Variants in TAF1A observed in about 807,000 individuals in gnomAD.
TAF1A encodes the protein TATA-box binding protein associated factor, RNA polymerase I subunit A.
Under a neutral mutation model 61.6 loss-of-function variants are expected in TAF1A, and 42 were observed. The ratio of observed to expected loss-of-function variants is 0.68; its 90% CI spans 0.53 to 0.88. The LOEUF is 0.88. Ranked by LOEUF, TAF1A falls within the 40% of genes least tolerant of loss-of-function variation. The probability of loss-of-function intolerance (pLI) is 0.00; values close to 1 mark genes in which losing one functional copy is unlikely to be tolerated. For synonymous variants in TAF1A, 179 were observed against 177.7 expected, an observed-to-expected ratio of 1.01 and a Z score of -0.06; for missense variants, 424 against 518.7, an observed-to-expected ratio of 0.82 and a Z score of 1.77.
chr1:222,574,897 G>GGA (rs1660504042), intron 5 of TAF1A, among the ~76,000 whole-genome samples: 4 of 152,120 alleles, frequency 2.6e-5, no homozygotes, highest in Admixed American at 2.6e-4. Flanking sequence ...AATGCAGTCA[G>GGA]GAAGGCACAC....
chr1:222,586,553 CA>C (rs938391575), intron 2 of TAF1A, among the ~76,000 whole-genome samples: 2 of 152,068 alleles, frequency 1.3e-5, no homozygotes, highest in African/African-American at 4.8e-5. Context: ...TCAAGGAAAA[CA>C]CATTTTTACA....
intron 6 of TAF1A, 111 bp from the exon 7 acceptor site, chr1:222,569,779 A>C (rs1660274591): frequency 2.0e-6 from 2 of 989,738 alleles, no homozygotes; most frequent in Non-Finnish European, 2.9e-6. Flanking sequence ...CACAAAACTG[A>C]CAGGGTTCCC....
chr1:222,580,982 C>T (rs903291777), intron 3 of TAF1A, among the ~76,000 whole-genome samples: 1 of 152,072 alleles, frequency 6.6e-6, no homozygotes, highest in African/African-American at 2.4e-5. Context: ...GAAACCCCGT[C>T]TCTACTAAAA....
intron 5 of TAF1A, among the ~76,000 whole-genome samples, chr1:222,576,198 G>A (rs529494984): frequency 6.6e-5 from 10 of 152,238 alleles, no homozygotes; most frequent in East Asian, 1.9e-4. Context: ...TTGGGACAGC[G>A]ATCCAATGAG....
chr1:222,561,116 GTATCTTAATGGCCCCC>G (rs1280312576), intron 10 of TAF1A, among the ~76,000 whole-genome samples: 2 of 152,130 alleles, frequency 1.3e-5, no homozygotes, highest in African/African-American at 2.4e-5. Flanking sequence ...TCTGTATCAT[GTATCTTAATGGCCCCC>G]TAACAACACT....
intron 6 of TAF1A, among the ~76,000 whole-genome samples, chr1:222,570,068 T>C (rs1436339241): frequency 6.6e-6 from 1 of 152,194 alleles, no homozygotes; most frequent in Non-Finnish European, 1.5e-5. Context: ...CTCATTAACT[T>C]TCACAAAGCA....
At chr1:222,586,592 A>G (rs949827659) in intron 2 of TAF1A, among the ~76,000 whole-genome samples, 7 of 152,330 alleles carry the variant, frequency 4.6e-5, no homozygotes, top group South Asian at 2.1e-4. Flanking sequence ...ATAAAGAACT[A>G]GTGTCATCAA....
At chr1:222,557,579 T>C (rs1036095882), downstream of TAF1A, among the ~76,000 whole-genome samples, 19 of 151,958 alleles carry the variant, frequency 1.3e-4, 1 homozygote, top group East Asian at 3.9e-4. Context: ...GCCTCCCAAA[T>C]AGCTAGGACT....
intron 7 of TAF1A, among the ~76,000 whole-genome samples, chr1:222,568,588 A>C (rs959043356): frequency 1.3e-5 from 2 of 152,220 alleles, no homozygotes; most frequent in Non-Finnish European, 2.9e-5. Flanking sequence ...TATTATTCAA[A>C]AGACCTCCAA....
At chr1:222,575,574 TAGA>T (rs1176284593) in intron 5 of TAF1A, among the ~76,000 whole-genome samples, 2 of 152,148 alleles carry the variant, frequency 1.3e-5, no homozygotes, top group Non-Finnish European at 2.9e-5. Flanking sequence ...GAATTTATTA[TAGA>T]AGGAGGTTCC....
chr1:222,576,435 G>A (rs886448364), intron 5 of TAF1A, among the ~76,000 whole-genome samples: 1 of 152,226 alleles, frequency 6.6e-6, no homozygotes, highest in East Asian at 1.9e-4. Flanking sequence ...AAGATATGGA[G>A]GAGGATGAAA....
intron 2 of TAF1A, among the ~76,000 whole-genome samples, chr1:222,586,574 G>T (rs1661025013): frequency 6.6e-6 from 1 of 152,124 alleles, no homozygotes; most frequent in Non-Finnish European, 1.5e-5. Context: ...ATGGAATAGA[G>T]ATGTACAATA....
chr1:222,561,281 G>T, intron 10 of TAF1A, 83 bp downstream of exon 10: 2 of 1,407,216 alleles, frequency 1.4e-6, no homozygotes, highest in Non-Finnish European at 1.9e-6. Context: ...ACCATGTTAG[G>T]TAAGCTCTAA....
intron 5 of TAF1A, 103 bp from the exon 6 acceptor site, chr1:222,570,768 A>G: frequency 9.4e-7 from 1 of 1,067,404 alleles, no homozygotes; most frequent in Non-Finnish European, 1.3e-6. Context: ...AGTTGCTGAT[A>G]GCTACAACAG....
intron 5 of TAF1A, among the ~76,000 whole-genome samples, chr1:222,574,721 C>T (rs1317652013): frequency 6.6e-6 from 1 of 152,032 alleles, no homozygotes; most frequent in Admixed American, 6.6e-5. Flanking sequence ...ATATGCAAGG[C>T]CTAAAAGAAT....
intron 8 of TAF1A, 98 bp downstream of exon 8, chr1:222,563,961 C>T: frequency 1.4e-6 from 1 of 726,974 alleles, no homozygotes; most frequent in South Asian, 1.6e-5. Flanking sequence ...TTTATAAAAT[C>T]AGGAAAGGGG....
chr1:222,587,083 T>C (rs1661044798), intron 2 of TAF1A, among the ~76,000 whole-genome samples: 2 of 152,150 alleles, frequency 1.3e-5, no homozygotes, highest in Admixed American at 1.3e-4. Flanking sequence ...AAATTACTAG[T>C]TTGTTCCCTA....
chr1:222,583,889 A>T (rs1207034315), intron 3 of TAF1A, among the ~76,000 whole-genome samples: 1 of 152,114 alleles, frequency 6.6e-6, no homozygotes, highest in Non-Finnish European at 1.5e-5. Context: ...ATGATGGGAA[A>T]CATCCATAAA....
chr1:222,557,670 T>C (rs958951395), downstream of TAF1A, among the ~76,000 whole-genome samples: 1 of 151,890 alleles, frequency 6.6e-6, no homozygotes, highest in African/African-American at 2.4e-5. Flanking sequence ...TTGGCCAGGA[T>C]GGTCTCAATC....
Sources: gnomAD v4.1 joint callset for allele counts (sites outside exome capture counted in the v4.1 genomes callset) on GRCh38, gnomAD v4.1.1 for gene constraint, MANE v1.5 for transcripts, NCBI Gene and HGNC (gene_info 2026-07-23, HGNC 2026-07-21) for gene names.